Variants in PCDHGB5 observed in about 807,000 individuals in gnomAD.
PCDHGB5 encodes the protein protocadherin gamma-B5.
Under a neutral mutation model 62.9 loss-of-function variants are expected in PCDHGB5, and 48 were observed. The observed-to-expected ratio is 0.76, with a 90% confidence interval of 0.61 to 0.97. PCDHGB5 has a LOEUF of 0.97. Ranked by LOEUF, PCDHGB5 falls within the 50% of genes least tolerant of loss-of-function variation. The pLI is 0.00. For synonymous variants in PCDHGB5, 474 were observed against 511.2 expected (o/e 0.93, Z 0.98); for missense variants, 1,118 against 1,198.6 (o/e 0.93, Z 0.99).
Position 141,512,288 on chromosome 5 carries a change from TCAGCGGAGCCCCAGCAGGAAGGGTGGGC to T in PCDHGB5, c.*1120_*1147del, listed in dbSNP as rs1375137843. The T allele has an allele frequency of 6.5e-6, 1 of 152,680 alleles. No individual in the cohort carries two copies. Among genetic ancestry groups the T allele is most frequent in the Non-Finnish European group, 1.5e-5 (1 of 68,182 alleles). The allele number at this position is 152,680 out of a possible 1,614,324, so 9.5% of individuals were successfully genotyped here. ...TCCAGAGGTGCCACTGGTGGAAGGG[TCAGCGGAGCCCCAGCAGGAAGGGTGGGC>T]CAGCCAGGCCATTCTTAGTCCCTGG... On this transcript the variant is annotated 3_prime_UTR_variant, in exon 4 of 4. Coordinates refer to ENST00000617380, the MANE Select transcript of PCDHGB5 (RefSeq NM_018925.3).
intron 1 of PCDHGB5, chr5:141,423,956 A>G: frequency 1.7e-6 from 2 of 1,182,724 alleles, no homozygotes; most frequent in Non-Finnish European, 2.1e-6. Flanking sequence ...TTTTAGTATT[A>G]TTTTTCTATT....
At chr5:141,409,185 C>A in intron 1 of PCDHGB5, 1 of 1,614,024 alleles carries the variant, frequency 6.2e-7, no homozygotes, top group Non-Finnish European at 8.5e-7. Flanking sequence ...GGTGGTCTCT[C>A]TACCCAGTGT....
intron 1 of PCDHGB5, chr5:141,423,450 T>G (rs571358720): frequency 1.2e-6 from 2 of 1,614,050 alleles, no homozygotes; most frequent in East Asian, 4.5e-5. Flanking sequence ...CGTCACATTT[T>G]GTAGGCGTGG....
At position 141,423,563 on chromosome 5, in the gene PCDHGB5, C is replaced by T. The variant is rs745802952; in HGVS notation, c.2397+23039C>T. 9.9e-6 allele frequency: 16 copies of T among 1,613,436 alleles called. No homozygotes were observed. In the Admixed American group the frequency reaches 2.3e-4, roughly 24 times the overall value. ...TTCCCCCAGCCCAACTATGGGGACA[C>T]GCTCATCAGCCAGGAGAGCTGTGAG... On this transcript the variant is annotated intron_variant, in intron 1 of 3. Coordinates refer to ENST00000617380, the MANE Select transcript of PCDHGB5 (RefSeq NM_018925.3).
In PCDHGB5 at chr5:141,431,887, T is replaced by C; in HGVS notation, c.2397+31363T>C. The C allele has an allele frequency of 1.2e-6, 2 of 1,614,190 alleles. No individual in the cohort carries two copies. The highest frequency in any genetic ancestry group is 1.7e-6 in the Non-Finnish European group (2 of 1,179,996). ...TTTTAAATGTAAATGACCAAGATTCTGAGGAAAACGGACAGGTGATCTGTT... is the reference window on the plus strand; with the variant it reads ...TTTTAAATGTAAATGACCAAGATTCCGAGGAAAACGGACAGGTGATCTGTT... On this transcript the variant is annotated intron_variant, in intron 1 of 3. Coordinates refer to ENST00000617380, the MANE Select transcript of PCDHGB5 (RefSeq NM_018925.3). The surrounding 1 kb of genome is among the most constrained non-coding windows in gnomAD (Gnocchi z 4.8).
At chr5:141,435,214 A>C (rs1314928643) in intron 1 of PCDHGB5, among the ~76,000 whole-genome samples, 1 of 152,176 alleles carries the variant, frequency 6.6e-6, no homozygotes, top group Non-Finnish European at 1.5e-5. Flanking sequence ...AAGTGAATTT[A>C]CTTTCTTTCA....
chr5:141,471,637 T>G (rs1284100810), intron 1 of PCDHGB5: 1 of 152,198 alleles, frequency 6.6e-6, no homozygotes, highest in Non-Finnish European at 1.5e-5. Context: ...TATGGATTAG[T>G]AATATACTGG....
chr5:141,477,007 A>C lies in PCDHGB5; in HGVS notation c.2398-17800A>C, dbSNP rs891158982. The C allele has an allele frequency of 1.9e-6, 3 of 1,614,258 alleles. No individual in the cohort carries two copies. The Admixed American group carries it at 5.0e-5, about 27-fold the overall frequency. ...CCGGCGTGCGGCAACTATTCGCCTT[A>C]GACCTTGTAACCGGGATGCTGACAA... On this transcript the variant is annotated intron_variant, in intron 1 of 3. Coordinates refer to ENST00000617380, the MANE Select transcript of PCDHGB5 (RefSeq NM_018925.3). This position sits in a 1 kb window ranked among gnomAD's most constrained non-coding sequence, Gnocchi z 4.9.
chr5:141,431,995 G>A lies in PCDHGB5; in HGVS notation c.2397+31471G>A. 6.2e-7 allele frequency: 1 copy of A among 1,614,048 alleles called. No individual in the cohort carries two copies. Among genetic ancestry groups the A allele is most frequent in the East Asian group, 2.2e-5 (1 of 44,898 alleles). The stretch of plus-strand genomic sequence containing the variant: ...TAGTCACAGACATAGTCTTGGATAG[G>A]GAACAGGTTCCTAGCTACAACATCA... On this transcript the variant is annotated intron_variant, in intron 1 of 3. Coordinates refer to ENST00000617380, the MANE Select transcript of PCDHGB5 (RefSeq NM_018925.3). This position sits in a 1 kb window ranked among gnomAD's most constrained non-coding sequence, Gnocchi z 4.8.
At chr5:141,426,487 G>A (rs999549044) in intron 1 of PCDHGB5, 2 of 333,788 alleles carry the variant, frequency 6.0e-6, no homozygotes, top group African/African-American at 4.3e-5. Context: ...AAACCTTAGA[G>A]TTAGTGCAGA....
intron 1 of PCDHGB5, chr5:141,404,222 G>A (rs1407928050): frequency 6.2e-7 from 1 of 1,613,616 alleles, no homozygotes; most frequent in Admixed American, 1.7e-5. Context: ...CACGGTGACT[G>A]CAACAGACAG....
rs746476042 is a variant in PCDHGB5 at position 141,398,298 on chromosome 5, C to T, written c.171C>T (p.Ser57=). 7.3e-7 allele frequency: 1 copy of T among 1,362,258 alleles called. No homozygotes were observed. The highest frequency in any genetic ancestry group is 1.3e-5 in the South Asian group (1 of 75,294). 84.4% of individuals were successfully genotyped at this position (1,362,258 alleles called of 1,614,324 possible). A position where few individuals can be genotyped will look rare whatever the true frequency, so the allele number is the denominator to read the frequency against. The part of the protein sequence containing the change: ...VGNLATDLGF[S]VQELPTRKLR... ...ACCTCGCCACGGACCTGGGGTTCAG[C>T]GTCCAGGAGTTACCGACTCGAAAAC... Residue 57 remains serine, a synonymous_variant, in exon 1 of 4, where the codon AGC becomes AGT. Coordinates refer to ENST00000617380, the MANE Select transcript of PCDHGB5 (RefSeq NM_018925.3).
chr5:141,458,340 G>C (rs4551132), intron 1 of PCDHGB5, among the ~76,000 whole-genome samples: 42,372 of 151,882 alleles, frequency 0.28, 6,646 homozygotes, highest in African/African-American at 0.43. Context: ...TTTAAGGAGT[G>C]GAGAGTTTAA....
chr5:141,459,404 G>C (rs2098967432), intron 1 of PCDHGB5, among the ~76,000 whole-genome samples: 1 of 152,182 alleles, frequency 6.6e-6, no homozygotes, highest in Non-Finnish European at 1.5e-5. Flanking sequence ...GAGCAGTATT[G>C]CATTGTGTGG....
intron 1 of PCDHGB5, chr5:141,441,470 C>G (rs1170727138): frequency 5.9e-6 from 1 of 168,868 alleles, no homozygotes; most frequent in East Asian, 1.9e-4. Context: ...ATTGGCGATG[C>G]CAACGACAAT....
intron 3 of PCDHGB5, among the ~76,000 whole-genome samples, chr5:141,508,752 C>G (rs2099871515): frequency 6.6e-6 from 1 of 152,028 alleles, no homozygotes. Flanking sequence ...CGCTCTTTCT[C>G]TGGCGCCTCT....
intron 1 of PCDHGB5, chr5:141,415,978 C>A: frequency 5.7e-6 from 2 of 353,430 alleles, no homozygotes; most frequent in Non-Finnish European, 9.4e-6. Flanking sequence ...CTTAAGCAAC[C>A]CTCTTGTTCT....
intron 1 of PCDHGB5, among the ~76,000 whole-genome samples, chr5:141,484,720 G>A (rs1458277947): frequency 2.6e-5 from 4 of 151,988 alleles, no homozygotes; most frequent in African/African-American, 7.2e-5. Flanking sequence ...GAAAAGGGGC[G>A]GGGTCAGTCG....
intron 1 of PCDHGB5, chr5:141,421,044 C>CGCCT (rs891153203): frequency 6.4e-5 from 35 of 548,614 alleles, no homozygotes; most frequent in African/African-American, 6.0e-4. Context: ...CTCCCTCCCC[C>CGCCT]GCCTCTACCA....
Sources: allele counts gnomAD v4.1 joint callset (sites outside exome capture counted in the v4.1 genomes callset), GRCh38; gene constraint gnomAD v4.1.1; non-coding constraint Gnocchi (gnomAD v3.1); transcripts MANE v1.5; gene names NCBI Gene and HGNC (gene_info 2026-07-23, HGNC 2026-07-21).